RHPN1: variants seen among roughly 807,000 people sequenced by gnomAD.
The protein encoded by RHPN1 is rhophilin-1.
A neutral mutation model predicts 74.7 loss-of-function variants in RHPN1; 77 were observed. That is an observed-to-expected ratio of 1.03 (90% CI 0.86 to 1.25). The LOEUF (loss-of-function observed/expected upper bound fraction) is 1.25, where lower values mean the gene tolerates loss of function less well. Ranked by LOEUF, RHPN1 falls within the 50% of genes most tolerant of loss-of-function variation. The pLI is 0.00. For synonymous variants in RHPN1, 444 were observed against 414.5 expected, an observed-to-expected ratio of 1.07 and a Z score of -0.87; for missense variants, 987 against 932.2, an observed-to-expected ratio of 1.06 and a Z score of -0.77.
At chr8:143,371,988 C>T (rs1446200047) in intron 1 of RHPN1, among the ~76,000 whole-genome samples, 4 of 152,238 alleles carry the variant, frequency 2.6e-5, no homozygotes, top group African/African-American at 7.2e-5. Context: ...TCTGCTCCTC[C>T]GCCTGTAGGC....
chr8:143,368,856 A>T, upstream of RHPN1: 1 of 508,774 alleles, frequency 2.0e-6, no homozygotes, highest in Non-Finnish European at 3.0e-6. Context: ...CAGGAGGGAC[A>T]GTCGGGGACC....
chr8:143,377,492 C>T, intron 4 of RHPN1, 37 bp downstream of exon 4: 1 of 1,517,386 alleles, frequency 6.6e-7, no homozygotes, highest in Non-Finnish European at 9.1e-7. Flanking sequence ...ATACACGGCC[C>T]TGCCCTGGGA....
Position 143,379,366 on chromosome 8 carries a change from T to C in RHPN1, c.803T>C (p.Met268Thr). Residue 268 changes from methionine (M) to threonine (T), a missense_variant, in exon 8 of 15, where the codon ATG becomes ACG. By Grantham distance (81) the Met-to-Thr change is moderately conservative. Coordinates refer to ENST00000289013, the MANE Select transcript of RHPN1 (RefSeq NM_052924.3). ...TTCTCCCATGCGCCGAGCCCAGACA[T>C]GAGCGCTGCGTCCCTCTGCGCACTG... Reference protein sequence around the residue: ...ENFSHAPSPDMSAASLCALEQ... With the variant: ...ENFSHAPSPDTSAASLCALEQ... 1 of 1,604,188 alleles carries C rather than the reference T, an allele frequency of 6.2e-7. No homozygotes were observed. Among genetic ancestry groups the C allele is most frequent in the Non-Finnish European group, 8.5e-7 (1 of 1,175,630 alleles).
intron 13 of RHPN1, 32 bp from the exon 14 acceptor site, chr8:143,381,775 G>A: frequency 6.2e-7 from 1 of 1,607,144 alleles, no homozygotes; most frequent in Non-Finnish European, 8.5e-7. Context: ...AGGGTGTCCT[G>A]TCCCCACCTC....
chr8:143,367,091 G>A (rs1817571466), upstream of RHPN1: 1 of 152,128 alleles, frequency 6.6e-6, no homozygotes, highest in African/African-American at 2.4e-5. Flanking sequence ...TAGCCTGTGT[G>A]ATTCAGGCAG....
In RHPN1 at chr8:143,381,651, T is replaced by G. The variant is rs1818739545; in HGVS notation, c.1568T>G (p.Phe523Cys). Residue 523 changes from phenylalanine to cysteine, a missense_variant, in exon 13 of 15, where the codon TTT becomes TGT. Phe to Cys is a radical substitution (Grantham distance 205, BLOSUM62 -2). Coordinates refer to ENST00000289013, the MANE Select transcript of RHPN1 (RefSeq NM_052924.3). ...CACCTGACCCGAGGAGAGGGCGGCT[T>G]TGGCCTCACGCTTCGGGGAGACTCG... ...PVHLTRGEGG[F>C]GLTLRGDSPV... The G allele has an allele frequency of 6.2e-7, 1 of 1,611,556 alleles. No homozygotes were observed. Among genetic ancestry groups the G allele is most frequent in the South Asian group, 1.1e-5 (1 of 91,028 alleles).
intron 1 of RHPN1, among the ~76,000 whole-genome samples, chr8:143,372,005 G>C (rs557295842): frequency 2.0e-5 from 3 of 152,354 alleles, no homozygotes; most frequent in Non-Finnish European, 4.4e-5. Flanking sequence ...AGGCCGGGAA[G>C]TCACTTGGCC....
Position 143,375,584 on chromosome 8 carries a change from G to C in RHPN1, c.92G>C (p.Gly31Ala). The C allele has an allele frequency of 6.2e-7, 1 of 1,605,088 alleles. No homozygotes were observed. The highest frequency in any genetic ancestry group is 8.5e-7 in the Non-Finnish European group (1 of 1,177,114). ...GACTCCCTGACGCAGATCCAGTGCG[G>C]CCAGCTGCAGAGCCGCAGGGCCCAG... ...GCDSLTQIQCGQLQSRRAQIH... is the reference protein window; with the variant it reads ...GCDSLTQIQCAQLQSRRAQIH... The change falls in exon 2 of 15, where the codon GGC becomes GCC. Residue 31 changes from glycine (G) to alanine (A), a missense_variant. Gly to Ala is a moderately conservative substitution (Grantham distance 60). Transcript: ENST00000289013.
rs536018833 is a variant in RHPN1, at chr8:143,370,837, C to T, written c.60+1790C>T. On this transcript the variant is annotated intron_variant, in intron 1 of 14. Transcript: ENST00000289013. The stretch of plus-strand genomic sequence containing the variant: ...CGGGGGAGGACCACAAGGAATACAG[C>T]CTGGCTGTATGCAGAAGGTTCTGTG... 4.4e-4 allele frequency among the ~76,000 whole-genome samples: 67 copies of T among 152,334 alleles called. 4 individuals are homozygous for T. In the South Asian group the frequency reaches 0.012, roughly 26 times the overall value.
At chr8:143,368,292 C>A (rs1817605894), upstream of RHPN1, 1 of 153,716 alleles carries the variant, frequency 6.5e-6, no homozygotes, top group Non-Finnish European at 1.5e-5. Flanking sequence ...GCGCCTCGGA[C>A]TGGGGCCAGG....
At chr8:143,369,111 C>G (rs1817662574) in intron 1 of RHPN1, 64 bp downstream of exon 1, 3 of 1,306,522 alleles carry the variant, frequency 2.3e-6, no homozygotes, top group Admixed American at 3.2e-5. Context: ...CCTGCCCCCC[C>G]TCGAGGCGCG....
chr8:143,374,767 A>C (rs1818101818), intron 1 of RHPN1, among the ~76,000 whole-genome samples: 2 of 152,220 alleles, frequency 1.3e-5, no homozygotes, highest in African/African-American at 4.8e-5. Flanking sequence ...CTGAGGCATG[A>C]AACTGGATCT....
At chr8:143,374,877 G>T (rs1352933533) in intron 1 of RHPN1, among the ~76,000 whole-genome samples, 1 of 152,228 alleles carries the variant, frequency 6.6e-6, no homozygotes, top group Non-Finnish European at 1.5e-5. Flanking sequence ...CCACTCTTTC[G>T]CCATGGCTGG....
chr8:143,366,240 T>C (rs969588586), upstream of RHPN1, among the ~76,000 whole-genome samples: 1 of 151,932 alleles, frequency 6.6e-6, no homozygotes, highest in Admixed American at 6.6e-5. Context: ...GCCGTGCCCC[T>C]CCCGCCGCTG....
intron 1 of RHPN1, among the ~76,000 whole-genome samples, chr8:143,375,082 C>A (rs1015119448): frequency 7.2e-4 from 110 of 152,350 alleles, no homozygotes; most frequent in African/African-American, 2.3e-3. Context: ...CACGCCTAAA[C>A]CCACATGGGA....
chr8:143,366,966 C>T (rs1817567724), upstream of RHPN1: 1 of 152,300 alleles, frequency 6.6e-6, no homozygotes, highest in Non-Finnish European at 1.5e-5. Context: ...CCAGTGTGAA[C>T]TTTGGAAGCA....
At chr8:143,374,149 A>T in intron 1 of RHPN1, 3 of 985,434 alleles carry the variant, frequency 3.0e-6, no homozygotes, top group Non-Finnish European at 3.6e-6. Flanking sequence ...CTAGGAGAAA[A>T]CCCAGGAAAA....
intron 1 of RHPN1, among the ~76,000 whole-genome samples, chr8:143,371,984 C>T (rs868508019): frequency 1.9e-4 from 29 of 152,356 alleles, no homozygotes; most frequent in Middle Eastern, 3.4e-3. Flanking sequence ...CGGGTCTGCT[C>T]CTCCGCCTGT....
intron 10 of RHPN1, 183 bp from the exon 11 acceptor site, chr8:143,380,406 C>G: frequency 1.5e-6 from 1 of 665,714 alleles, no homozygotes; most frequent in African/African-American, 1.8e-5. Context: ...CAGCTCATCC[C>G]TGGCCCCTGC....
Sources: gnomAD v4.1 joint callset for allele counts (sites outside exome capture counted in the v4.1 genomes callset) on GRCh38, gnomAD v4.1.1 for gene constraint, MANE v1.5 for transcripts, NCBI Gene and HGNC (gene_info 2026-07-23, HGNC 2026-07-21) for gene names.